Variants in AK5 observed in about 807,000 individuals in gnomAD.
AK5 encodes adenylate kinase 5, also known as adenylate kinase isoenzyme 5.
AK5 carries 27 observed loss-of-function variants against 69.5 expected under a neutral mutation model. The observed-to-expected ratio is 0.39, with a 90% CI of 0.29 to 0.54. AK5 has a LOEUF of 0.54. Ranked by LOEUF, AK5 falls within the 20% of genes least tolerant of loss-of-function variation. AK5 has a pLI of 0.71. For synonymous variants in AK5, 260 were observed against 244.4 expected, an observed-to-expected ratio of 1.06 and a Z score of -0.60; for missense variants, 531 against 700.4, an observed-to-expected ratio of 0.76 and a Z score of 2.73.
chr1:77,343,691 T>C (rs1276222434), intron 6 of AK5, among the ~76,000 whole-genome samples: 1 of 152,116 alleles, frequency 6.6e-6, no homozygotes, highest in Admixed American at 6.6e-5. Context: ...CCTACCTCAG[T>C]GTGATTATGA....
intron 10 of AK5, among the ~76,000 whole-genome samples, chr1:77,511,160 A>G (rs1374444356): frequency 2.6e-5 from 4 of 152,158 alleles, no homozygotes; most frequent in African/African-American, 9.7e-5. Context: ...AATAAGCTAG[A>G]AAGGTTTCTA....
intron 5 of AK5, among the ~76,000 whole-genome samples, chr1:77,329,737 GA>G (rs1660990380): frequency 1.3e-5 from 2 of 152,284 alleles, no homozygotes; most frequent in South Asian, 4.1e-4. Flanking sequence ...CTGGGCTGGG[GA>G]TAGCCTGGAG....
intron 2 of AK5, among the ~76,000 whole-genome samples, chr1:77,289,468 G>A (rs1438802679): frequency 6.6e-6 from 1 of 152,040 alleles, no homozygotes; most frequent in Non-Finnish European, 1.5e-5. Flanking sequence ...TAAATATGGG[G>A]ATCTACTTTC....
intron 10 of AK5, among the ~76,000 whole-genome samples, chr1:77,493,005 G>A (rs1416975746): frequency 6.6e-6 from 1 of 152,206 alleles, no homozygotes; most frequent in Non-Finnish European, 1.5e-5. Flanking sequence ...ATTTGATTGT[G>A]TTTCCACTCT....
intron 6 of AK5, among the ~76,000 whole-genome samples, chr1:77,347,982 A>T (rs1010150151): frequency 6.6e-6 from 1 of 152,192 alleles, no homozygotes; most frequent in African/African-American, 2.4e-5. Context: ...TGGCAGTCCT[A>T]CTGTCAGCAT....
rs1240600456 is a variant in AK5, at chr1:77,439,785, TATACATGTATATGTATATAC to T, written c.1059+22077_1059+22096del. Among the ~76,000 whole-genome samples the T allele has an allele frequency of 1.1e-4, 17 of 151,360 alleles. No homozygotes were observed. The East Asian group carries it at 3.3e-3, about 30-fold the overall frequency. On this transcript the variant is annotated intron_variant, in intron 8 of 13. Coordinates refer to ENST00000354567, the MANE Select transcript of AK5 (RefSeq NM_174858.3). ...GTATGTATATACATATATATGTATGTATACATGTATATGTATATACATACATATATATGTATGTATGTATA... is the reference window on the plus strand; with the variant it reads ...GTATGTATATACATATATATGTATGTATACATATATATGTATGTATGTATA...
intron 8 of AK5, among the ~76,000 whole-genome samples, chr1:77,482,648 C>T (rs1655325502): frequency 1.3e-5 from 2 of 151,808 alleles, no homozygotes; most frequent in Non-Finnish European, 1.5e-5. Context: ...TGGTACATGC[C>T]TGTATTGCCA....
At chr1:77,535,708 C>A in intron 12 of AK5, 139 bp from the exon 13 acceptor site, 2 of 691,170 alleles carry the variant, frequency 2.9e-6, no homozygotes, top group Non-Finnish European at 4.6e-6. Context: ...GAGTCCAGTC[C>A]CAGCTGCACC....
intron 8 of AK5, among the ~76,000 whole-genome samples, chr1:77,450,967 G>A (rs1189964540): frequency 1.3e-5 from 2 of 152,126 alleles, no homozygotes; most frequent in Non-Finnish European, 2.9e-5. Context: ...TTTGAGCCCA[G>A]GAGTTCAAGA....
intron 12 of AK5, among the ~76,000 whole-genome samples, chr1:77,528,511 T>C (rs1298303425): frequency 6.6e-6 from 1 of 152,204 alleles, no homozygotes; most frequent in South Asian, 2.1e-4. Flanking sequence ...GGACACTGCA[T>C]ATGACATCGC....
chr1:77,502,435 A>G (rs1376055077), intron 10 of AK5, among the ~76,000 whole-genome samples: 2 of 152,204 alleles, frequency 1.3e-5, no homozygotes, highest in African/African-American at 4.8e-5. Flanking sequence ...ATTGGTCAGG[A>G]GGACACTTTC....
In AK5 at chr1:77,287,113, C is replaced by G. The variant is rs1658401803; in HGVS notation, c.233C>G (p.Ser78Cys). 6.4e-7 allele frequency: 1 copy of G among 1,562,554 alleles called. No individual in the cohort carries two copies. The highest frequency in any genetic ancestry group is 1.2e-5 in the South Asian group (1 of 82,630). The change falls in exon 2 of 14, where the codon TCC (serine) becomes TGC (cysteine). Residue 78 changes from serine to cysteine, a missense_variant. By Grantham distance (112) the Ser-to-Cys change is moderately radical (BLOSUM62 -1). Coordinates refer to ENST00000354567, the MANE Select transcript of AK5 (RefSeq NM_174858.3). ...PPLNGGQSRR[S>C]FLRNVMPENS... ...CTAAATGGAGGACAGTCACGGAGAT[C>G]CTTTCTAAGAAATGGTAATGTATAT... is the stretch of plus-strand genomic sequence containing the variant.
At chr1:77,423,918 T>C (rs1651018981) in intron 8 of AK5, among the ~76,000 whole-genome samples, 1 of 152,144 alleles carries the variant, frequency 6.6e-6, no homozygotes, top group South Asian at 2.1e-4. Flanking sequence ...GGGCATAACA[T>C]TCCTAGAGCA....
chr1:77,495,666 T>C (rs1216732914), intron 10 of AK5, among the ~76,000 whole-genome samples: 1 of 152,178 alleles, frequency 6.6e-6, no homozygotes, highest in African/African-American at 2.4e-5. Context: ...CTGAGGGCCA[T>C]TGGCAGCAAT....
chr1:77,479,121 C>G (rs186097218), intron 8 of AK5, among the ~76,000 whole-genome samples: 403 of 149,954 alleles, frequency 2.7e-3, no homozygotes, highest in African/African-American at 9.3e-3. Context: ...CAATAGAATT[C>G]TAGATTTCTC....
At chr1:77,283,997 A>G (rs1314699935) in intron 1 of AK5, among the ~76,000 whole-genome samples, 1 of 152,208 alleles carries the variant, frequency 6.6e-6, no homozygotes, top group Non-Finnish European at 1.5e-5. Flanking sequence ...ATTAAAATCT[A>G]CACTGTGCAT....
chr1:77,346,197 C>T (rs1160127960), intron 6 of AK5: 1 of 152,116 alleles, frequency 6.6e-6, no homozygotes, highest in Non-Finnish European at 1.5e-5. Context: ...AGAGGTGGAC[C>T]AAAGTGGACC....
intron 6 of AK5, among the ~76,000 whole-genome samples, chr1:77,364,311 C>T (rs1339076550): frequency 6.6e-6 from 1 of 152,118 alleles, no homozygotes; most frequent in African/African-American, 2.4e-5. Flanking sequence ...ATGTAAGGTG[C>T]AATGATCAGA....
At chr1:77,448,951 A>G (rs1301995430) in intron 8 of AK5, among the ~76,000 whole-genome samples, 5 of 152,200 alleles carry the variant, frequency 3.3e-5, no homozygotes, top group Admixed American at 6.5e-5. Flanking sequence ...ACCTCCGCCT[A>G]TATTTCAGAG....
Sources: allele counts gnomAD v4.1 joint callset (sites outside exome capture counted in the v4.1 genomes callset), GRCh38; gene constraint gnomAD v4.1.1; transcripts MANE v1.5; gene names NCBI Gene and HGNC (gene_info 2026-07-23, HGNC 2026-07-21).